ARMC8: variants seen among roughly 807,000 people sequenced by gnomAD.
ARMC8 encodes armadillo repeat containing 8, also known as armadillo repeat-containing protein 8.
Under a neutral mutation model 99.3 loss-of-function variants are expected in ARMC8, and 20 were observed. That is an observed-to-expected ratio of 0.20 (90% confidence interval 0.14 to 0.29). The LOEUF (loss-of-function observed/expected upper bound fraction) is 0.29. Ranked by LOEUF, ARMC8 falls within the 10% of genes least tolerant of loss-of-function variation. ARMC8 has a pLI of 1.00. For missense variants in ARMC8, 569 were observed against 809.5 expected, an observed-to-expected ratio of 0.70 and a Z score of 3.60; for synonymous variants, 263 against 278.3, an observed-to-expected ratio of 0.95 and a Z score of 0.55.
In ARMC8 at chr3:138,298,213, C is replaced by CAAT. The variant is rs2051652472; in HGVS notation, c.*2321_*2322insAAT. The CAAT allele has an allele frequency of 6.6e-6, 1 of 152,170 alleles. No homozygotes were observed. The highest frequency in any genetic ancestry group is 1.5e-5 in the Non-Finnish European group (1 of 68,030). The allele number at this position is 152,170 out of a possible 1,614,324, so 9.4% of individuals were successfully genotyped here. The stretch of plus-strand genomic sequence containing the variant: ...ACTGCATTCTGTTTCTCCTTTTGTG[C>CAAT]CCTGATTGTAATCCAAAATTTATGA... On this transcript the variant is annotated 3_prime_UTR_variant, in exon 22 of 22. Coordinates refer to ENST00000469044, the MANE Select transcript of ARMC8 (RefSeq NM_001363941.2).
At chr3:138,248,397 A>C (rs2046977297) in intron 12 of ARMC8, among the ~76,000 whole-genome samples, 1 of 152,228 alleles carries the variant, frequency 6.6e-6, no homozygotes, top group South Asian at 2.1e-4. Flanking sequence ...AATGCCAAGT[A>C]AAAATTAGCT....
chr3:138,274,031 T>A (rs2049029972), intron 17 of ARMC8, among the ~76,000 whole-genome samples: 3 of 152,162 alleles, frequency 2.0e-5, no homozygotes, highest in African/African-American at 4.8e-5. Context: ...TTGGCCAGGC[T>A]GGTCTCGAAC....
intron 7 of ARMC8, 77 bp from the exon 8 acceptor site, chr3:138,237,232 G>T (rs2046378963): frequency 2.4e-6 from 3 of 1,265,996 alleles, no homozygotes; most frequent in Non-Finnish European, 3.4e-6. Flanking sequence ...TTTTTTAGAA[G>T]AGTTTAGATT....
chr3:138,209,084 C>T (rs945431880), intron 1 of ARMC8, among the ~76,000 whole-genome samples: 5 of 152,322 alleles, frequency 3.3e-5, no homozygotes, highest in African/African-American at 1.2e-4. Context: ...CCTAGACTAC[C>T]CCTTACAGAC....
intron 14 of ARMC8, 139 bp downstream of exon 14, chr3:138,264,351 A>G (rs911778768): frequency 7.6e-6 from 4 of 525,156 alleles, no homozygotes; most frequent in Non-Finnish European, 1.0e-5. Context: ...CTCAAATCTG[A>G]TATTCTAAGC....
rs539429565 is a variant in ARMC8 at position 138,194,400 on chromosome 3, C to T, written c.45+6801C>T. Reference sequence around the variant, plus strand: ...TCGCCCAGGCTGGAGTGCAGTGGCGCGATCTCGGGTCACTGCAACCTCCGC... The same window carrying T: ...TCGCCCAGGCTGGAGTGCAGTGGCGTGATCTCGGGTCACTGCAACCTCCGC... On this transcript the variant is annotated intron_variant, in intron 1 of 21. Transcript: ENST00000469044. 1.1e-3 allele frequency among the ~76,000 whole-genome samples: 150 copies of T among 139,156 alleles called. 1 individual carries two copies. Among genetic ancestry groups the T allele is most frequent in the Middle Eastern group, 4.2e-3 (1 of 240 alleles). The allele number at this position is 139,156 out of a possible 152,430, so 91.3% of individuals were successfully genotyped here.
intron 1 of ARMC8, among the ~76,000 whole-genome samples, chr3:138,190,536 A>C (rs1482646870): frequency 6.6e-6 from 1 of 151,508 alleles, no homozygotes; most frequent in Non-Finnish European, 1.5e-5. Context: ...TGATCCACCC[A>C]CCTTGGCCTC....
chr3:138,292,036 C>CTTTCT (rs988187057), intron 21 of ARMC8, among the ~76,000 whole-genome samples: 5 of 151,042 alleles, frequency 3.3e-5, no homozygotes, highest in African/African-American at 1.2e-4. Context: ...TTCTTTTTTT[C>CTTTCT]TTTCTTTTCT....
In ARMC8 at chr3:138,262,969, T is replaced by C. The variant is rs375204875; in HGVS notation, c.1135-770T>C. Among the ~76,000 whole-genome samples, 64 of 152,298 alleles carry C rather than the reference T, an allele frequency of 4.2e-4. 1 individual carries two copies. In the East Asian group the frequency reaches 6.0e-3, roughly 14 times the overall value. Reference sequence around the variant, plus strand: ...TGCCTACAGAAGAGTGAGGGTTAAATTGGGTAATATAACATGCTTAGCACA... The same window carrying C: ...TGCCTACAGAAGAGTGAGGGTTAAACTGGGTAATATAACATGCTTAGCACA... On this transcript the variant is annotated intron_variant, in intron 12 of 21. Transcript: ENST00000469044.
At chr3:138,253,283 A>G (rs919506471) in intron 12 of ARMC8, among the ~76,000 whole-genome samples, 1 of 152,168 alleles carries the variant, frequency 6.6e-6, no homozygotes, top group Non-Finnish European at 1.5e-5. Flanking sequence ...AGCACTCACT[A>G]TGTGCTGGAC....
At chr3:138,243,419 A>G (rs1479036623) in intron 11 of ARMC8, among the ~76,000 whole-genome samples, 2 of 151,946 alleles carry the variant, frequency 1.3e-5, no homozygotes, top group African/African-American at 4.8e-5. Context: ...AAATCTTCAC[A>G]TGTTAATAAA....
At chr3:138,201,391 C>T (rs1434443526) in intron 1 of ARMC8, among the ~76,000 whole-genome samples, 2 of 140,472 alleles carry the variant, frequency 1.4e-5, no homozygotes, top group Middle Eastern at 3.8e-3. Context: ...AGAGCTCTTG[C>T]ATATGTTGTG....
intron 12 of ARMC8, chr3:138,245,580 ATC>A (rs762106530): frequency 2.2e-4 from 228 of 1,043,416 alleles, no homozygotes; most frequent in Non-Finnish European, 2.5e-4. Flanking sequence ...AGAAATTCAA[ATC>A]TCTATTGTAT....
At chr3:138,236,452 T>C (rs1304460443) in intron 7 of ARMC8, among the ~76,000 whole-genome samples, 1 of 152,204 alleles carries the variant, frequency 6.6e-6, no homozygotes, top group Non-Finnish European at 1.5e-5. Flanking sequence ...TTATTTACTA[T>C]AATGATTTGA....
intron 6 of ARMC8, 175 bp downstream of exon 6, chr3:138,229,185 TA>T (rs1559958260): frequency 4.2e-4 from 10 of 23,684 alleles, no homozygotes; most frequent in African/African-American, 1.5e-3. Context: ...TATATATATG[TA>T]TATGTATATG....
intron 12 of ARMC8, among the ~76,000 whole-genome samples, chr3:138,251,704 C>G (rs960455981): frequency 6.6e-6 from 1 of 152,028 alleles, no homozygotes; most frequent in African/African-American, 2.4e-5. Context: ...AAGAAGCAAA[C>G]CTGGGAGTGA....
chr3:138,253,120 G>T (rs2047220692), intron 12 of ARMC8, among the ~76,000 whole-genome samples: 1 of 152,088 alleles, frequency 6.6e-6, no homozygotes, highest in South Asian at 2.1e-4. Flanking sequence ...AAAAAATCTA[G>T]TTCACTTATT....
intron 2 of ARMC8, among the ~76,000 whole-genome samples, chr3:138,214,907 C>G (rs2044923925): frequency 6.6e-6 from 1 of 152,186 alleles, no homozygotes; most frequent in Non-Finnish European, 1.5e-5. Flanking sequence ...GATCCTCCCA[C>G]CTTGGCCTCT....
chr3:138,254,538 A>G lies in ARMC8; in HGVS notation c.1135-9201A>G, dbSNP rs138045572. Among the ~76,000 whole-genome samples the G allele has an allele frequency of 5.6e-3, 848 of 152,338 alleles. 6 individuals are homozygous for G. Among genetic ancestry groups the G allele is most frequent in the African/African-American group, 0.019 (793 of 41,572 alleles). On this transcript the variant is annotated intron_variant, in intron 12 of 21. Coordinates refer to ENST00000469044, the MANE Select transcript of ARMC8 (RefSeq NM_001363941.2). Reference sequence around the variant, plus strand: ...GATGGAAGTCTCAGTTGTTTGCATCATAATTTATAATGGTTTTATTTATGT... The same window carrying G: ...GATGGAAGTCTCAGTTGTTTGCATCGTAATTTATAATGGTTTTATTTATGT...
Sources: gnomAD v4.1 joint callset for allele counts (sites outside exome capture counted in the v4.1 genomes callset) on GRCh38, gnomAD v4.1.1 for gene constraint, MANE v1.5 for transcripts, NCBI Gene and HGNC (gene_info 2026-07-23, HGNC 2026-07-21) for gene names.